Variants in VWA8 observed in about 807,000 individuals in gnomAD.
VWA8 encodes von Willebrand factor A domain-containing protein 8.
Under a neutral mutation model 241.5 loss-of-function variants are expected in VWA8, and 221 were observed. That is an observed-to-expected ratio of 0.91 (90% confidence interval 0.82 to 1.02). The LOEUF is 1.02. Ranked by LOEUF, VWA8 falls within the 50% of genes least tolerant of loss-of-function variation. The pLI is 0.00. For missense variants in VWA8, 2,322 were observed against 2,328.7 expected, an observed-to-expected ratio of 1.00 and a Z score of 0.06; for synonymous variants, 852 against 827.1, an observed-to-expected ratio of 1.03 and a Z score of -0.52.
chr13:41,818,744 T>C (rs1870813440), intron 15 of VWA8, among the ~76,000 whole-genome samples: 1 of 152,164 alleles, frequency 6.6e-6, no homozygotes, highest in Non-Finnish European at 1.5e-5. Context: ...TGTTACAGTC[T>C]TGAGAGACCA....
chr13:41,899,645 TAATC>T (rs567292747), intron 4 of VWA8, among the ~76,000 whole-genome samples: 198 of 152,318 alleles, frequency 1.3e-3, no homozygotes, highest in African/African-American at 4.5e-3. Flanking sequence ...TTAAAATACT[TAATC>T]AGTACTATCA....
chr13:41,820,963 C>A (rs1009656626), intron 14 of VWA8, among the ~76,000 whole-genome samples: 7 of 152,030 alleles, frequency 4.6e-5, no homozygotes, highest in African/African-American at 1.7e-4. Flanking sequence ...GTTTGGCTAC[C>A]CAAAATTAAA....
chr13:41,841,784 C>CAAAA (rs1166227706), intron 12 of VWA8, among the ~76,000 whole-genome samples: 2 of 33,396 alleles, frequency 6.0e-5, no homozygotes, highest in African/African-American at 1.8e-4. Flanking sequence ...GACTCTGTCT[C>CAAAA]AAAAAAAAAA....
At chr13:41,578,655 T>C (rs1303695884) in intron 42 of VWA8, among the ~76,000 whole-genome samples, 3 of 152,204 alleles carry the variant, frequency 2.0e-5, no homozygotes, top group Admixed American at 6.5e-5. Context: ...GCCTCGAGCA[T>C]GCTTCCATGG....
At chr13:41,874,036 A>C (rs1291033706) in intron 9 of VWA8, among the ~76,000 whole-genome samples, 5 of 152,144 alleles carry the variant, frequency 3.3e-5, no homozygotes, top group African/African-American at 9.7e-5. Context: ...CAATATATGC[A>C]AATCAATAAA....
intron 18 of VWA8, among the ~76,000 whole-genome samples, chr13:41,786,690 CTCA>C (rs1869205731): frequency 6.6e-6 from 1 of 152,030 alleles, no homozygotes; most frequent in East Asian, 1.9e-4. Context: ...ATCTTATTTC[CTCA>C]ATACCAAATT....
At chr13:41,625,405 T>G (rs2044683062) in intron 37 of VWA8, among the ~76,000 whole-genome samples, 1 of 151,798 alleles carries the variant, frequency 6.6e-6, no homozygotes, top group African/African-American at 2.4e-5. Context: ...AACAACCCCA[T>G]CAAAAAGTGG....
chr13:41,880,414 A>T (rs1245601998), intron 9 of VWA8, among the ~76,000 whole-genome samples: 1 of 152,194 alleles, frequency 6.6e-6, no homozygotes, highest in Admixed American at 6.5e-5. Flanking sequence ...AACTGTGGCC[A>T]GTATAATCAC....
intron 21 of VWA8, among the ~76,000 whole-genome samples, chr13:41,739,832 T>A (rs1415250446): frequency 1.8e-5 from 1 of 55,870 alleles, no homozygotes; most frequent in African/African-American, 5.9e-5. Flanking sequence ...TTTTTGTTTT[T>A]TTTTTTGTTT....
At chr13:41,898,484 TC>T (rs977426371) in intron 4 of VWA8, among the ~76,000 whole-genome samples, 1 of 152,174 alleles carries the variant, frequency 6.6e-6, no homozygotes, top group African/African-American at 2.4e-5. Context: ...ACTCTCCACA[TC>T]CCCACCAGAC....
At chr13:41,957,545 G>T (rs1878404762) in intron 1 of VWA8, among the ~76,000 whole-genome samples, 2 of 152,258 alleles carry the variant, frequency 1.3e-5, no homozygotes, top group East Asian at 1.9e-4. Flanking sequence ...GGTGGAGGTT[G>T]CAGTAAGCCA....
At chr13:41,805,375 T>A (rs1485363742) in intron 17 of VWA8, among the ~76,000 whole-genome samples, 1 of 152,174 alleles carries the variant, frequency 6.6e-6, no homozygotes, top group Non-Finnish European at 1.5e-5. Context: ...ATATAACAAT[T>A]TTAAATATAT....
chr13:41,689,510 T>C lies in VWA8; in HGVS notation c.3977-2A>G. The C allele has an allele frequency of 1.2e-6, 2 of 1,603,608 alleles. No homozygotes were observed. Among genetic ancestry groups the C allele is most frequent in the Non-Finnish European group, 1.7e-6 (2 of 1,175,886 alleles). ...TATGAGGTATGCTGAACTCTGTTTCTGAAAAGTACAAACATTAGACACCAT... is the reference window on the plus strand; with the variant it reads ...TATGAGGTATGCTGAACTCTGTTTCCGAAAAGTACAAACATTAGACACCAT... On this transcript the variant is annotated splice_acceptor_variant, in intron 33 of 44. Coordinates refer to ENST00000379310, the MANE Select transcript of VWA8 (RefSeq NM_015058.2). LOFTEE classifies it high-confidence loss of function.
chr13:41,737,392 A>G (rs953604754), intron 21 of VWA8, among the ~76,000 whole-genome samples: 6 of 152,238 alleles, frequency 3.9e-5, no homozygotes, highest in African/African-American at 1.4e-4. Flanking sequence ...TGATGTAAAC[A>G]AGTTTAAGAA....
intron 40 of VWA8, among the ~76,000 whole-genome samples, chr13:41,592,716 T>C (rs1454892490): frequency 7.0e-6 from 1 of 142,458 alleles, no homozygotes; most frequent in African/African-American, 2.6e-5. Flanking sequence ...AAAGCCCTTC[T>C]CTGTTAATTC....
intron 9 of VWA8, among the ~76,000 whole-genome samples, chr13:41,873,202 T>C (rs1021238384): frequency 6.6e-6 from 1 of 152,076 alleles, no homozygotes; most frequent in Non-Finnish European, 1.5e-5. Context: ...GGGAAATTTA[T>C]AGCACTAAAT....
chr13:41,830,909 G>A (rs1871424659), intron 13 of VWA8, among the ~76,000 whole-genome samples: 1 of 151,998 alleles, frequency 6.6e-6, no homozygotes, highest in Non-Finnish European at 1.5e-5. Context: ...AGAGGAGGAG[G>A]AAGGAGAGCA....
chr13:41,773,452 T>C (rs982541943), intron 20 of VWA8, among the ~76,000 whole-genome samples: 3 of 152,168 alleles, frequency 2.0e-5, no homozygotes, highest in Non-Finnish European at 4.4e-5. Context: ...TTCCCAAATA[T>C]ATAACTCTCC....
chr13:41,851,452 G>GT (rs1451416816), intron 12 of VWA8, among the ~76,000 whole-genome samples: 3 of 152,164 alleles, frequency 2.0e-5, no homozygotes, highest in South Asian at 4.1e-4. Flanking sequence ...AACTTGAATT[G>GT]TATCTCCCAG....
Sources: gnomAD v4.1 joint callset for allele counts (sites outside exome capture counted in the v4.1 genomes callset) on GRCh38, gnomAD v4.1.1 for gene constraint, MANE v1.5 for transcripts, NCBI Gene and HGNC (gene_info 2026-07-23, HGNC 2026-07-21) for gene names.